Variants in CALN1 observed in about 807,000 individuals in gnomAD.
The protein encoded by CALN1 is calcium-binding protein 8.
Under a neutral mutation model 30.6 loss-of-function variants are expected in CALN1, and 17 were observed. That is an observed-to-expected ratio of 0.56 (90% CI 0.38 to 0.83). The LOEUF is 0.83. Among genes scored for constraint, CALN1 ranks in the 40% least tolerant of loss-of-function variants. The pLI, the probability that CALN1 is intolerant of heterozygous loss-of-function variation, is 0.00. For synonymous variants in CALN1, 156 were observed against 131.4 expected (o/e 1.19, Z -1.28); for missense variants, 291 against 354.9 (o/e 0.82, Z 1.45).
At chr7:72,103,919 A>G (rs1285701260) in intron 4 of CALN1, among the ~76,000 whole-genome samples, 1 of 152,148 alleles carries the variant, frequency 6.6e-6, no homozygotes, top group East Asian at 1.9e-4. Flanking sequence ...ACCATCCCAA[A>G]AAACTTAGAG....
At chr7:72,111,736 G>A (rs1032046344) in intron 3 of CALN1, among the ~76,000 whole-genome samples, 1 of 149,782 alleles carries the variant, frequency 6.7e-6, no homozygotes, top group African/African-American at 2.5e-5. Context: ...GCATGAGCTG[G>A]TAACTCTTTT....
intron 3 of CALN1, among the ~76,000 whole-genome samples, chr7:72,254,489 T>C (rs1355236128): frequency 2.0e-5 from 3 of 152,060 alleles, no homozygotes; most frequent in Non-Finnish European, 4.4e-5. Context: ...GACTTGTAGC[T>C]ATCTCGAGCA....
intron 3 of CALN1, among the ~76,000 whole-genome samples, chr7:72,182,445 T>C (rs1789880185): frequency 6.6e-6 from 1 of 152,168 alleles, no homozygotes; most frequent in African/African-American, 2.4e-5. Context: ...TTTTTCCAGA[T>C]GCAGTAGTTC....
intron 3 of CALN1, among the ~76,000 whole-genome samples, chr7:72,128,203 A>C (rs2189846): frequency 0.77 from 117,264 of 152,116 alleles, 45,724 homozygotes; most frequent in East Asian, 0.97. Context: ...AAATAGGAAA[A>C]CACAAGCAAT....
At chr7:71,853,514 G>C (rs901400851) in intron 5 of CALN1, among the ~76,000 whole-genome samples, 2 of 149,838 alleles carry the variant, frequency 1.3e-5, no homozygotes, top group African/African-American at 2.4e-5. Context: ...TCTTCACAAT[G>C]TATGATAGAT....
intron 2 of CALN1, among the ~76,000 whole-genome samples, chr7:72,293,721 G>A (rs1279828635): frequency 6.6e-6 from 1 of 152,140 alleles, no homozygotes; most frequent in Non-Finnish European, 1.5e-5. Context: ...TGTTAGCTTA[G>A]GACACTGACA....
At chr7:72,407,136 TAAG>T (rs892558068) in intron 1 of CALN1, among the ~76,000 whole-genome samples, 1 of 152,206 alleles carries the variant, frequency 6.6e-6, no homozygotes, top group Admixed American at 6.5e-5. Context: ...GTAATATTGT[TAAG>T]AACATCACTA....
chr7:72,224,608 C>CCT (rs1389779367), intron 3 of CALN1, among the ~76,000 whole-genome samples: 2 of 151,742 alleles, frequency 1.3e-5, no homozygotes, highest in Admixed American at 1.3e-4. Flanking sequence ...CATGGTGTAA[C>CCT]CTGTCTTTAC....
intron 4 of CALN1, among the ~76,000 whole-genome samples, chr7:72,096,087 AG>A: frequency 6.6e-6 from 1 of 152,144 alleles, no homozygotes; most frequent in African/African-American, 2.4e-5. Context: ...ATAGATAGAT[AG>A]ATAAAGATAG....
chr7:71,798,117 CAGAGACAGAGAG>C (rs1402941700), intron 6 of CALN1, among the ~76,000 whole-genome samples: 1,550 of 61,540 alleles, frequency 0.025, 10 homozygotes, highest in East Asian at 0.11. Flanking sequence ...GAGACAGAGA[CAGAGACAGAGAG>C]AGAGAGAGAG....
chr7:72,205,551 A>AAAAATATATATATACATATATACACAT, intron 3 of CALN1, among the ~76,000 whole-genome samples: 1 of 83,052 alleles, frequency 1.2e-5, no homozygotes, highest in African/African-American at 7.5e-5. Context: ...GCAAAAAAAA[A>AAAAATATATATATACATATATACACAT]ATATATATAT....
intron 5 of CALN1, among the ~76,000 whole-genome samples, chr7:71,973,505 T>C (rs1308385362): frequency 6.6e-6 from 1 of 152,126 alleles, no homozygotes; most frequent in Non-Finnish European, 1.5e-5. Context: ...TCCTTGCTTC[T>C]GATGTTTGCA....
At chr7:72,160,924 TACTC>T (rs1253554327) in intron 3 of CALN1, among the ~76,000 whole-genome samples, 8 of 152,252 alleles carry the variant, frequency 5.3e-5, no homozygotes, top group African/African-American at 1.9e-4. Context: ...AGAAGTCAAA[TACTC>T]ACTTCCCAGC....
intron 5 of CALN1, among the ~76,000 whole-genome samples, chr7:71,976,686 A>T (rs748183482): frequency 7.9e-5 from 12 of 152,162 alleles, no homozygotes; most frequent in Admixed American, 3.3e-4. Context: ...AAGAAACCAA[A>T]AGTGAATGGA....
intron 2 of CALN1, among the ~76,000 whole-genome samples, chr7:72,399,373 C>G (rs983165056): frequency 6.8e-6 from 1 of 146,502 alleles, no homozygotes; most frequent in Admixed American, 7.0e-5. Flanking sequence ...CAGGTTCAAG[C>G]GATTCTCCTG....
At chr7:72,494,617 C>T in the CALN1 span, among the ~76,000 whole-genome samples, 1 of 152,080 alleles carries the variant, frequency 6.6e-6, no homozygotes, top group Non-Finnish European at 1.5e-5. Context: ...TGGCCCATGC[C>T]TGTAGCCCCA....
chr7:72,221,795 C>T (rs957472116), intron 3 of CALN1, among the ~76,000 whole-genome samples: 1 of 151,636 alleles, frequency 6.6e-6, no homozygotes, highest in African/African-American at 2.4e-5. Flanking sequence ...GAGGTTGAGG[C>T]AGAGAATTGC....
At chr7:72,262,680 G>A (rs1452319787) in intron 3 of CALN1, among the ~76,000 whole-genome samples, 1 of 152,192 alleles carries the variant, frequency 6.6e-6, no homozygotes, top group Admixed American at 6.5e-5. Context: ...CAAAGGACAT[G>A]ATTTCACTTT....
chr7:72,350,383 G>C (rs957735729), intron 2 of CALN1, among the ~76,000 whole-genome samples: 1 of 152,110 alleles, frequency 6.6e-6, no homozygotes, highest in Non-Finnish European at 1.5e-5. Context: ...ATGAACCTAA[G>C]TACCCAGCAA....
Sources: gnomAD v4.1 joint callset for allele counts (sites outside exome capture counted in the v4.1 genomes callset) on GRCh38, gnomAD v4.1.1 for gene constraint, MANE v1.5 for transcripts, NCBI Gene and HGNC (gene_info 2026-07-23, HGNC 2026-07-21) for gene names.